Variants in SLC1A2 observed in about 807,000 individuals in gnomAD.
SLC1A2 encodes excitatory amino acid transporter 2.
SLC1A2 carries 15 observed loss-of-function variants against 48.8 expected under a neutral mutation model. The ratio of observed to expected loss-of-function variants is 0.31; its 90% CI spans 0.21 to 0.47. The LOEUF (loss-of-function observed/expected upper bound fraction) is 0.47, where lower values mean the gene tolerates loss of function less well. Among genes scored for constraint, SLC1A2 ranks in the 20% least tolerant of loss-of-function variants. The pLI is 0.99. For missense variants in SLC1A2, 502 were observed against 730.5 expected, an observed-to-expected ratio of 0.69 and a Z score of 3.61; for synonymous variants, 279 against 272.6, an observed-to-expected ratio of 1.02 and a Z score of -0.23.
intron 9 of SLC1A2, among the ~76,000 whole-genome samples, chr11:35,277,062 A>G (rs980804517): frequency 1.3e-5 from 2 of 152,196 alleles, no homozygotes; most frequent in Admixed American, 6.5e-5. Flanking sequence ...TCACCCTTTT[A>G]TAATGCACCA....
chr11:35,412,184 C>T (rs1424572392), intron 1 of SLC1A2, among the ~76,000 whole-genome samples: 1 of 151,946 alleles, frequency 6.6e-6, no homozygotes, highest in Non-Finnish European at 1.5e-5. Context: ...TCAGTAACAG[C>T]ATAAAATCAA....
chr11:35,369,725 A>T (rs1853993947), intron 1 of SLC1A2, among the ~76,000 whole-genome samples: 2 of 152,244 alleles, frequency 1.3e-5, no homozygotes, highest in African/African-American at 4.8e-5. Context: ...CTGCCTTGCA[A>T]GTGACACAAA....
intron 1 of SLC1A2, among the ~76,000 whole-genome samples, chr11:35,415,771 T>C (rs1855585710): frequency 6.6e-6 from 1 of 151,698 alleles, no homozygotes; most frequent in African/African-American, 2.4e-5. Flanking sequence ...GACCCTTGGC[T>C]CCTGGGAGCT....
At chr11:35,387,007 C>T (rs1167280662) in intron 1 of SLC1A2, among the ~76,000 whole-genome samples, 1 of 152,012 alleles carries the variant, frequency 6.6e-6, no homozygotes, top group Non-Finnish European at 1.5e-5. Context: ...TAGAATCAAG[C>T]AATCCTCTTG....
chr11:35,332,263 A>G (rs1852454564), intron 1 of SLC1A2, among the ~76,000 whole-genome samples: 1 of 152,200 alleles, frequency 6.6e-6, no homozygotes, highest in African/African-American at 2.4e-5. Context: ...GGAAGTGGTG[A>G]TGATGTGGTA....
chr11:35,397,708 G>A (rs1348619170), intron 1 of SLC1A2, among the ~76,000 whole-genome samples: 1 of 152,006 alleles, frequency 6.6e-6, no homozygotes, highest in Admixed American at 6.5e-5. Context: ...AATGGAATTA[G>A]AGCCCTTATA....
intron 3 of SLC1A2, among the ~76,000 whole-genome samples, chr11:35,314,177 C>T (rs1851794133): frequency 1.3e-5 from 2 of 152,164 alleles, no homozygotes; most frequent in Admixed American, 1.3e-4. Context: ...TCAGGATATA[C>T]ACCTGTTAAC....
At chr11:35,349,419 G>A (rs1853160478) in intron 1 of SLC1A2, among the ~76,000 whole-genome samples, 2 of 152,180 alleles carry the variant, frequency 1.3e-5, no homozygotes, top group Non-Finnish European at 2.9e-5. Flanking sequence ...ACCTTGTCCA[G>A]CCAATGCCCA....
At chr11:35,409,176 A>C (rs1014268641) in intron 1 of SLC1A2, among the ~76,000 whole-genome samples, 2 of 152,268 alleles carry the variant, frequency 1.3e-5, no homozygotes, top group Non-Finnish European at 2.9e-5. Flanking sequence ...AATATTTGCC[A>C]GTGGAATAGA....
intron 1 of SLC1A2, among the ~76,000 whole-genome samples, chr11:35,328,421 C>T (rs1177756556): frequency 6.6e-6 from 1 of 152,176 alleles, no homozygotes; most frequent in Non-Finnish European, 1.5e-5. Flanking sequence ...TCTAAGTCTT[C>T]TTATATATGA....
intron 4 of SLC1A2, 76 bp downstream of exon 4, chr11:35,312,122 T>C: frequency 6.8e-7 from 1 of 1,460,282 alleles, no homozygotes; most frequent in Non-Finnish European, 9.4e-7. Flanking sequence ...AGAGTTGGTC[T>C]GTTAAAATAC....
At position 35,278,268 on chromosome 11, in the gene SLC1A2, TTTTTG is replaced by T. The variant is rs1321813176; in HGVS notation, c.1421+2594_1421+2598del. ...GGGAGCCACTTCTTACTTCTGTTTTTTTTTGTTTTTTTTTTTTTTTTTTTTAGATG... is the reference window on the plus strand; with the variant it reads ...GGGAGCCACTTCTTACTTCTGTTTTTTTTTTTTTTTTTTTTTTTTTAGATG... On this transcript the variant is annotated intron_variant, in intron 9 of 10. Transcript: ENST00000278379. Among the ~76,000 whole-genome samples, 13 of 121,838 alleles carry T rather than the reference TTTTTG, an allele frequency of 1.1e-4. 1 individual carries two copies. Among genetic ancestry groups the T allele is most frequent in the East Asian group, 4.9e-4 (2 of 4,056 alleles). 79.9% of individuals were successfully genotyped at this position (121,838 alleles called of 152,430 possible). A position where few individuals can be genotyped will look rare whatever the true frequency, so the allele number is the denominator to read the frequency against.
Position 35,419,081 on chromosome 11 carries a change from C to G in SLC1A2, c.-115G>C, listed in dbSNP as rs1335538613. On this transcript the variant is annotated 5_prime_UTR_variant, in exon 1 of 11. Transcript: ENST00000278379. The surrounding 1 kb of genome is among the most constrained non-coding windows in gnomAD (Gnocchi z 5.4). ...CGGGAGCGGTATTTAAGAGGAGCCT[C>G]TGCCCGCCCTTCCACCCGCCTCCGG... The G allele has an allele frequency of 1.1e-6, 1 of 879,546 alleles. No homozygotes were observed. Among genetic ancestry groups the G allele is most frequent in the Non-Finnish European group, 1.7e-6 (1 of 578,338 alleles). The allele number at this position is 879,546 out of a possible 1,614,324, so 54.5% of individuals were successfully genotyped here. A position where few individuals can be genotyped will look rare whatever the true frequency, so the allele number is the denominator to read the frequency against.
rs766885690 is a variant in SLC1A2, at chr11:35,260,904, C to G, written c.1715G>C (p.Arg572Pro). 2.5e-6 allele frequency: 4 copies of G among 1,612,412 alleles called. No individual in the cohort carries two copies. The South Asian group carries it at 4.4e-5, about 18-fold the overall frequency. The change falls in exon 11 of 11, where the codon CGT becomes CCT. Residue 572 changes from arginine (R) to proline (P), a missense_variant. By Grantham distance (103) the Arg-to-Pro change is moderately radical. Around this residue, in one of 4 missense-constraint regions of SLC1A2, gnomAD observed 102 missense variants for 107.2 expected, o/e 0.95. Transcript: ENST00000278379. ...DCSVEEEPWK[R>P]EK ...CTGAGACTCATATCCTTATTTCTCA[C>G]GTTTCCAAGGTTCTTCCTCAACACT...
chr11:35,267,329 C>T (rs570951170), intron 9 of SLC1A2, among the ~76,000 whole-genome samples: 11 of 152,172 alleles, frequency 7.2e-5, no homozygotes, highest in African/African-American at 1.2e-4. Flanking sequence ...GCCTTAGTTG[C>T]CTCGTTTATA....
At chr11:35,309,660 A>G (rs1851625360) in intron 4 of SLC1A2, among the ~76,000 whole-genome samples, 1 of 152,178 alleles carries the variant, frequency 6.6e-6, no homozygotes, top group Non-Finnish European at 1.5e-5. Flanking sequence ...AGCCTCCTCC[A>G]CTCAAGACAG....
intron 6 of SLC1A2, chr11:35,299,127 C>G (rs1334827274): frequency 6.6e-6 from 1 of 152,164 alleles, no homozygotes; most frequent in African/African-American, 2.4e-5. Context: ...ATCATAAGGT[C>G]AGGAATTCAA....
intron 1 of SLC1A2, among the ~76,000 whole-genome samples, chr11:35,369,485 T>C (rs925874908): frequency 2.0e-5 from 3 of 152,086 alleles, no homozygotes; most frequent in East Asian, 3.9e-4. Context: ...AAAGAATGAA[T>C]GGAAACTCAT....
At chr11:35,395,115 G>T (rs142166941) in intron 1 of SLC1A2, among the ~76,000 whole-genome samples, 1,784 of 152,224 alleles carry the variant, frequency 0.012, 11 homozygotes, top group Non-Finnish European at 0.018. Flanking sequence ...GAGTAGGGAG[G>T]GCAGTGGGGA....
Sources: gnomAD v4.1 joint callset for allele counts (sites outside exome capture counted in the v4.1 genomes callset) on GRCh38, gnomAD v4.1.1 for gene constraint, gnomAD v4.1.1 regional missense constraint, Gnocchi (gnomAD v3.1) non-coding constraint, MANE v1.5 for transcripts, NCBI Gene and HGNC (gene_info 2026-07-23, HGNC 2026-07-21) for gene names.